The following ANKRD44 variants were observed in gnomAD, a reference collection of about 807,000 sequenced individuals.
ANKRD44 encodes the protein serine/threonine-protein phosphatase 6 regulatory ankyrin repeat subunit B.
ANKRD44 carries 35 observed loss-of-function variants against 116.0 expected under a neutral mutation model. The observed-to-expected ratio is 0.30, with a 90% CI of 0.23 to 0.40. The LOEUF is 0.40. ANKRD44 is among the 10% of genes least tolerant of loss of function. The pLI, the probability that ANKRD44 is intolerant of heterozygous loss-of-function variation, is 1.00. For missense variants in ANKRD44, 1,014 were observed against 1,242.6 expected, an observed-to-expected ratio of 0.82 and a Z score of 2.77; for synonymous variants, 435 against 461.8, an observed-to-expected ratio of 0.94 and a Z score of 0.74.
At chr2:197,000,348 G>T in intron 23 of ANKRD44, 71 bp downstream of exon 23, 1 of 1,152,168 alleles carries the variant, frequency 8.7e-7, no homozygotes, top group Non-Finnish European at 1.3e-6. Flanking sequence ...ATAGATGTTT[G>T]GCTACTCTGC....
intron 4 of ANKRD44, among the ~76,000 whole-genome samples, chr2:197,128,910 A>G (rs1446004522): frequency 6.6e-6 from 1 of 152,202 alleles, no homozygotes. Flanking sequence ...TTTGTAAAAT[A>G]CAATAAAAAG....
chr2:197,155,059 A>G (rs1368227743), intron 2 of ANKRD44, among the ~76,000 whole-genome samples: 3 of 152,234 alleles, frequency 2.0e-5, no homozygotes, highest in Non-Finnish European at 4.4e-5. Context: ...GAAAAATAAG[A>G]ATGCCAAAGA....
At chr2:197,120,110 T>C (rs1218113961) in intron 8 of ANKRD44, among the ~76,000 whole-genome samples, 1 of 152,212 alleles carries the variant, frequency 6.6e-6, no homozygotes, top group Non-Finnish European at 1.5e-5. Context: ...AATTGCTTCT[T>C]AGAGTTTGCA....
intron 13 of ANKRD44, among the ~76,000 whole-genome samples, chr2:197,084,647 T>G (rs556266279): frequency 6.6e-6 from 1 of 152,336 alleles, no homozygotes; most frequent in East Asian, 1.9e-4. Flanking sequence ...CAACAAGAAC[T>G]TTTAAGCTAC....
At chr2:197,310,399 C>G (rs930750172) in intron 1 of ANKRD44, among the ~76,000 whole-genome samples, 179 bp downstream of exon 1, 1 of 147,258 alleles carries the variant, frequency 6.8e-6, no homozygotes, top group African/African-American at 2.4e-5. Flanking sequence ...GCGGGGACGG[C>G]GCGGCGGAGG....
intron 1 of ANKRD44, among the ~76,000 whole-genome samples, chr2:197,264,829 C>T (rs2082699985): frequency 6.6e-6 from 1 of 152,220 alleles, no homozygotes; most frequent in African/African-American, 2.4e-5. Context: ...AAACCCATGA[C>T]TCTATATCCC....
At position 197,302,418 on chromosome 2, in the gene ANKRD44, GAC is replaced by G. The variant is rs1401345667; in HGVS notation, c.27+8158_27+8159del. The stretch of plus-strand genomic sequence containing the variant: ...CAGTGAAAAATACAGCCAAAAAGAT[GAC>G]ACAGTACTAGCAAATAAGATGTACT... On this transcript the variant is annotated intron_variant, in intron 1 of 27. Transcript: ENST00000282272. The G allele has an allele frequency of 4.6e-5, 7 of 152,246 alleles. No homozygotes were observed. The East Asian group carries it at 1.3e-3, about 29-fold the overall frequency. The allele number at this position is 152,246 out of a possible 1,614,324, so 9.4% of individuals were successfully genotyped here.
chr2:197,272,104 G>T (rs2082914208), intron 1 of ANKRD44, among the ~76,000 whole-genome samples: 1 of 152,220 alleles, frequency 6.6e-6, no homozygotes, highest in Admixed American at 6.5e-5. Context: ...ATCACAACAA[G>T]AAGTCTGCAG....
chr2:197,038,323 G>A (rs927794943), intron 16 of ANKRD44, among the ~76,000 whole-genome samples: 4 of 97,014 alleles, frequency 4.1e-5, no homozygotes, highest in Non-Finnish European at 1.1e-4. Context: ...CTAAAACTGC[G>A]CTTAGAAAAA....
intron 2 of ANKRD44, among the ~76,000 whole-genome samples, chr2:197,156,593 AC>A (rs2079821599): frequency 2.0e-5 from 3 of 152,242 alleles, no homozygotes; most frequent in Admixed American, 2.0e-4. Context: ...TAGGTATCGT[AC>A]CCTTGGGTAT....
chr2:197,301,750 C>T (rs2083913743), intron 1 of ANKRD44, among the ~76,000 whole-genome samples: 1 of 152,168 alleles, frequency 6.6e-6, no homozygotes, highest in Non-Finnish European at 1.5e-5. Flanking sequence ...TGAGCATTTA[C>T]TATGCACCTT....
chr2:197,245,913 C>A (rs2082181070), intron 1 of ANKRD44, among the ~76,000 whole-genome samples: 1 of 152,046 alleles, frequency 6.6e-6, no homozygotes, highest in South Asian at 2.1e-4. Flanking sequence ...ACCCTTTTAC[C>A]AAATTGAGAG....
intron 1 of ANKRD44, among the ~76,000 whole-genome samples, chr2:197,197,825 AAAAAAG>A (rs1351670267): frequency 0.093 from 4,602 of 49,630 alleles, 32 homozygotes; most frequent in East Asian, 0.25. Flanking sequence ...AAAAAAAAAA[AAAAAAG>A]AAAGAAAGAA....
At position 197,090,048 on chromosome 2, in the gene ANKRD44, A is replaced by T; in HGVS notation, c.1101-16T>A. The T allele has an allele frequency of 6.3e-7, 1 of 1,599,648 alleles. No individual in the cohort carries two copies. The highest frequency in any genetic ancestry group is 8.6e-7 in the Non-Finnish European group (1 of 1,166,960). The stretch of plus-strand genomic sequence containing the variant: ...GATTCCACACCTGAGGAGTAAGAAA[A>T]CAGAGCAACTCACGGCAACAGATCT... On this transcript the variant is annotated splice_polypyrimidine_tract_variant and intron_variant, in intron 10 of 27. Transcript: ENST00000282272.
At chr2:197,113,086 T>C (rs748468339) in intron 8 of ANKRD44, among the ~76,000 whole-genome samples, 5 of 152,226 alleles carry the variant, frequency 3.3e-5, no homozygotes, top group Non-Finnish European at 7.3e-5. Context: ...GAGTATAATC[T>C]GAATCAGAAC....
intron 16 of ANKRD44, among the ~76,000 whole-genome samples, chr2:197,047,726 A>G (rs1326186201): frequency 6.6e-6 from 1 of 152,120 alleles, no homozygotes; most frequent in African/African-American, 2.4e-5. Flanking sequence ...CCTGGCCAAC[A>G]TGTTGAAACC....
At chr2:197,272,483 G>A (rs750567160) in intron 1 of ANKRD44, among the ~76,000 whole-genome samples, 8 of 152,140 alleles carry the variant, frequency 5.3e-5, no homozygotes, top group East Asian at 1.9e-4. Flanking sequence ...TGATCCGCCC[G>A]CCTTGGCCTC....
chr2:196,990,595 C>G (rs1470448682), intron 27 of ANKRD44: 3 of 1,231,062 alleles, frequency 2.4e-6, no homozygotes, highest in Non-Finnish European at 3.0e-6. Context: ...CCAAATAATA[C>G]TTGAATACAA....
chr2:196,982,108 T>TTTTATATACATATA (rs150861089), downstream of ANKRD44, among the ~76,000 whole-genome samples: 1 of 96,550 alleles, frequency 1.0e-5, no homozygotes, highest in Non-Finnish European at 2.1e-5. Flanking sequence ...CTAAAAAAAA[T>TTTTATATACATATA]TATATATATA....
Sources: allele counts gnomAD v4.1 joint callset (sites outside exome capture counted in the v4.1 genomes callset), GRCh38; gene constraint gnomAD v4.1.1; transcripts MANE v1.5; gene names NCBI Gene and HGNC (gene_info 2026-07-23, HGNC 2026-07-21).